The following G6PC3 variants were observed in gnomAD, a reference collection of about 807,000 sequenced individuals.
The protein encoded by G6PC3 is glucose-6-phosphatase catalytic subunit 3.
G6PC3 carries 30 observed loss-of-function variants against 38.6 expected under a neutral mutation model. The observed-to-expected ratio is 0.78, with a 90% CI of 0.58 to 1.05. The LOEUF is 1.05. G6PC3 is among the 50% of genes least tolerant of loss of function. The pLI is 0.00. For missense variants in G6PC3, 377 were observed against 443.1 expected (o/e 0.85, Z 1.34); for synonymous variants, 192 against 178.1 (o/e 1.08, Z -0.62).
chr17:44,071,435 T>C lies in G6PC3; in HGVS notation c.218+252T>C. ...AATCACCTAAGGGGCGTGTCTAAAA[T>C]GTAAATATCCCATCCTCATCTCACA... On this transcript the variant is annotated intron_variant, in intron 1 of 5. Coordinates refer to ENST00000269097, the MANE Select transcript of G6PC3 (RefSeq NM_138387.4). 3 of 659,178 alleles carry C rather than the reference T, an allele frequency of 4.6e-6. No individual in the cohort carries two copies. In the South Asian group the frequency reaches 5.9e-5, roughly 13 times the overall value. The allele number at this position is 659,178 out of a possible 1,614,324, so 40.8% of individuals were successfully genotyped here.
chr17:44,074,532 A>G, intron 2 of G6PC3, 148 bp from the exon 3 acceptor site: 1 of 759,096 alleles, frequency 1.3e-6, no homozygotes, highest in Non-Finnish European at 2.3e-6. Flanking sequence ...GTGGCAGTAA[A>G]AAGGCCTCAG....
At chr17:44,074,602 T>C (rs2050040390) in intron 2 of G6PC3, 78 bp from the exon 3 acceptor site, 1 of 1,160,838 alleles carries the variant, frequency 8.6e-7, no homozygotes, top group Non-Finnish European at 1.3e-6. Context: ...GAAAGGCAGC[T>C]GTATTATTGA....
chr17:44,075,798 C>G lies in G6PC3; in HGVS notation c.796C>G (p.His266Asp). ...GAALGLGIAL[H>D]SPCYAQVRRA... Reference sequence around the variant, plus strand: ...TGCCCTGGGCCTGGGCATTGCCTTGCACTCTCCCTGCTATGCCCAGGTGCG... The same window carrying G: ...TGCCCTGGGCCTGGGCATTGCCTTGGACTCTCCCTGCTATGCCCAGGTGCG... The change falls in exon 6 of 6, where the codon CAC becomes GAC. Residue 266 changes from histidine (H) to aspartate (D), a missense_variant. Physicochemically the swap from His to Asp is moderately conservative, Grantham distance 81. Coordinates refer to ENST00000269097, the MANE Select transcript of G6PC3 (RefSeq NM_138387.4). 6.2e-7 allele frequency: 1 copy of G among 1,611,858 alleles called. No homozygotes were observed. The highest frequency in any genetic ancestry group is 8.5e-7 in the Non-Finnish European group (1 of 1,180,022).
At chr17:44,072,044 G>C (rs1432335549) in intron 1 of G6PC3, 1 of 248,458 alleles carries the variant, frequency 4.0e-6, no homozygotes, top group African/African-American at 2.3e-5. Flanking sequence ...AGGAAGGGAG[G>C]CTCATAGGAG....
chr17:44,075,408 CT>C lies in G6PC3; in HGVS notation c.635del (p.Leu212ProfsTer19), dbSNP rs769634275. 5.0e-6 allele frequency: 8 copies of C among 1,614,180 alleles called. No homozygotes were observed. Among genetic ancestry groups the C allele is most frequent in the Non-Finnish European group, 6.8e-6 (8 of 1,180,014 alleles). On this transcript the variant is annotated frameshift_variant, in exon 5 of 6. Coordinates refer to ENST00000269097, the MANE Select transcript of G6PC3 (RefSeq NM_138387.4). LOFTEE classifies it high-confidence loss of function. ...TALALMLGTS[L>X]IYWTLFTLGL... The stretch of plus-strand genomic sequence containing the variant: ...ACTGGCCCTCATGCTAGGCACCAGC[CT>C]CATCTATTGGACCCTCTTTACACTG...
intron 1 of G6PC3, chr17:44,071,731 G>A (rs1477780783): frequency 1.1e-6 from 1 of 935,214 alleles, no homozygotes; most frequent in African/African-American, 1.7e-5. Context: ...GGCAGCACTT[G>A]AAAACTGGCT....
intron 1 of G6PC3, 40 bp from the exon 2 acceptor site, chr17:44,074,120 T>C (rs770391173): frequency 1.4e-6 from 2 of 1,397,078 alleles, no homozygotes; most frequent in Admixed American, 3.3e-5. Context: ...CCTGGCTGTG[T>C]GTGCATGTGG....
chr17:44,070,772 C>T lies in G6PC3; in HGVS notation c.-194C>T, dbSNP rs28370440. The stretch of plus-strand genomic sequence containing the variant: ...AACCGGAGGAGAGCGCAGGAGGAAA[C>T]AGTACCGGCTGGAGGCCGGTCTTGC... On this transcript the variant is annotated 5_prime_UTR_variant, in exon 1 of 6. Coordinates refer to ENST00000269097, the MANE Select transcript of G6PC3 (RefSeq NM_138387.4). The T allele has an allele frequency of 1.2e-3, 788 of 676,064 alleles. 2 individuals carry two copies. The highest frequency in any genetic ancestry group is 8.9e-3 in the African/African-American group (501 of 56,526). 41.9% of individuals were successfully genotyped at this position (676,064 alleles called of 1,614,324 possible).
chr17:44,070,993 G>A lies in G6PC3; in HGVS notation c.28G>A (p.Val10Met), dbSNP rs1211592890. MESTLGAGIVIAEALQNQLA... is the reference protein window; with the variant it reads MESTLGAGIMIAEALQNQLA... The stretch of plus-strand genomic sequence containing the variant: ...GGAGTCCACGCTGGGCGCGGGCATC[G>A]TGATAGCCGAGGCGCTACAGAACCA... The change falls in exon 1 of 6, where the codon GTG becomes ATG. Residue 10 changes from valine (V) to methionine (M), a missense_variant. Val to Met is a conservative substitution (Grantham distance 21). Coordinates refer to ENST00000269097, the MANE Select transcript of G6PC3 (RefSeq NM_138387.4). 2 of 1,557,938 alleles carry A rather than the reference G, an allele frequency of 1.3e-6. No homozygotes were observed. The highest frequency in any genetic ancestry group is 1.7e-4 in the Middle Eastern group (1 of 5,922).
intron 3 of G6PC3, 95 bp downstream of exon 3, chr17:44,074,865 T>C (rs2050052023): frequency 6.7e-7 from 1 of 1,484,708 alleles, no homozygotes. Context: ...GCTGGAGTTT[T>C]GGGGACCCTA....
intron 4 of G6PC3, 44 bp downstream of exon 4, chr17:44,075,131 G>A: frequency 2.6e-6 from 4 of 1,541,076 alleles, no homozygotes; most frequent in Non-Finnish European, 2.7e-6. Flanking sequence ...GATGCCTTTG[G>A]CAGTGGGAGG....
chr17:44,074,550 C>T (rs553787584), intron 2 of G6PC3, 130 bp from the exon 3 acceptor site: 5 of 805,914 alleles, frequency 6.2e-6, no homozygotes, highest in Admixed American at 2.0e-5. Context: ...CAGAGCAGAG[C>T]GAGTTATGAA....
chr17:44,075,664 C>G lies in G6PC3; in HGVS notation c.678-16C>G. 6.2e-7 allele frequency: 1 copy of G among 1,609,546 alleles called. No individual in the cohort carries two copies. Among genetic ancestry groups the G allele is most frequent in the Non-Finnish European group, 8.5e-7 (1 of 1,180,002 alleles). The stretch of plus-strand genomic sequence containing the variant: ...ATGTTCCAGCCTCTCCTGGCAAGAA[C>G]TCTTCTTCCCCACAGGTCCATCAGC... On this transcript the variant is annotated splice_polypyrimidine_tract_variant and intron_variant, in intron 5 of 5. Transcript: ENST00000269097.
chr17:44,074,405 G>A, intron 2 of G6PC3, 139 bp downstream of exon 2: 2 of 792,346 alleles, frequency 2.5e-6, no homozygotes, highest in East Asian at 5.2e-5. Context: ...GAACCCCAGG[G>A]AGACCAAGCT....
rs548313333 is a variant in G6PC3 at position 44,071,239 on chromosome 17, A to G, written c.218+56A>G. On this transcript the variant is annotated intron_variant, in intron 1 of 5. Coordinates refer to ENST00000269097, the MANE Select transcript of G6PC3 (RefSeq NM_138387.4). ...TCCCCACCCCCGAGGGCCCTGAGTC[A>G]TGTGTAAGCCCTGGTCTCTTTCAGC... 6,401 of 1,581,658 alleles carry G rather than the reference A, an allele frequency of 4.0e-3. 17 individuals carry two copies. Among genetic ancestry groups the G allele is most frequent in the Non-Finnish European group, 4.9e-3 (5,684 of 1,166,302 alleles).
chr17:44,074,905 G>C (rs929856206), intron 3 of G6PC3, 64 bp from the exon 4 acceptor site: 3 of 1,470,622 alleles, frequency 2.0e-6, no homozygotes, highest in African/African-American at 2.8e-5. Context: ...GGAGTACCTG[G>C]GTGCTGCAGG....
chr17:44,070,863 A>T lies in G6PC3; in HGVS notation c.-103A>T. 1 of 1,350,450 alleles carries T rather than the reference A, an allele frequency of 7.4e-7. No individual in the cohort carries two copies. The highest frequency in any genetic ancestry group is 1.0e-6 in the Non-Finnish European group (1 of 980,006). 83.7% of individuals were successfully genotyped at this position (1,350,450 alleles called of 1,614,324 possible). A position where few individuals can be genotyped will look rare whatever the true frequency, so the allele number is the denominator to read the frequency against. ...GCTGGCGGGGCGGGGCCTGGGGCTC[A>T]GAGGGGTGGGCTTTGGAGATCAGAG... On this transcript the variant is annotated 5_prime_UTR_variant, in exon 1 of 6. Coordinates refer to ENST00000269097, the MANE Select transcript of G6PC3 (RefSeq NM_138387.4).
rs1280283104 is a variant in G6PC3, at chr17:44,074,740, T to C, written c.386T>C (p.Leu129Pro). Residue 129 changes from leucine to proline, a missense_variant, in exon 3 of 6, where the codon CTG becomes CCG. Physicochemically the swap from Leu to Pro is moderately conservative, Grantham distance 98. Transcript: ENST00000269097. ...GCCCTCTGGCCCATAATGACGGCCC[T>C]GTCTTCGCAGGTGGCCACTCGGGCC... ...GAALWPIMTALSSQVATRARS... is the reference protein window; with the variant it reads ...GAALWPIMTAPSSQVATRARS... 17 of 1,613,932 alleles carry C rather than the reference T, an allele frequency of 1.1e-5. No homozygotes were observed. The highest frequency in any genetic ancestry group is 1.3e-5 in the African/African-American group (1 of 74,942).
rs941238693 is a variant in G6PC3 at position 44,076,343 on chromosome 17, G to C, written c.*300G>C. The C allele has an allele frequency of 4.9e-6, 3 of 606,118 alleles. No homozygotes were observed. The highest frequency in any genetic ancestry group is 9.2e-6 in the Non-Finnish European group (3 of 325,976). 37.5% of individuals were successfully genotyped at this position (606,118 alleles called of 1,614,324 possible). ...CCCCAATAAAGCCCTTGAATACTTT[G>C]AGATTCCTTTCTTGCCTATGCGCAC... On this transcript the variant is annotated 3_prime_UTR_variant, in exon 6 of 6. Coordinates refer to ENST00000269097, the MANE Select transcript of G6PC3 (RefSeq NM_138387.4).
Sources: allele counts gnomAD v4.1 joint callset, GRCh38; gene constraint gnomAD v4.1.1; transcripts MANE v1.5; gene names NCBI Gene and HGNC (gene_info 2026-07-23, HGNC 2026-07-21).